Variants in CCDC196 observed in about 807,000 individuals in gnomAD.
The protein encoded by CCDC196 is coiled-coil domain containing 196, also known as coiled-coil domain-containing protein 196.
intron 3 of CCDC196, among the ~76,000 whole-genome samples, chr14:66,488,480 A>C (rs1000156180): frequency 7.2e-5 from 11 of 152,150 alleles, no homozygotes; most frequent in African/African-American, 2.7e-4. Flanking sequence ...ACTTTTAAAA[A>C]CTTTTTATCT....
chr14:66,496,354 CA>C (rs2057666366), intron 8 of CCDC196: 1 of 456,138 alleles, frequency 2.2e-6, no homozygotes, highest in Non-Finnish European at 4.4e-6. Context: ...TGGCAAAATA[CA>C]ATCCTGTGTT....
At chr14:66,496,688 A>C (rs1432856025) in intron 8 of CCDC196, 1 of 171,132 alleles carries the variant, frequency 5.8e-6, no homozygotes, top group African/African-American at 2.4e-5. Context: ...GCAATCTCTA[A>C]ATTCAACTGA....
At chr14:66,488,951 A>G in intron 3 of CCDC196, 36 bp from the exon 4 acceptor site, 1 of 413,204 alleles carries the variant, frequency 2.4e-6, no homozygotes, top group East Asian at 3.6e-5. Context: ...GGACAAATAC[A>G]TGCTTCTGTT....
At chr14:66,496,116 C>T (rs1594747667) in intron 8 of CCDC196, 2 of 356,386 alleles carry the variant, frequency 5.6e-6, no homozygotes, top group Admixed American at 3.6e-5. Context: ...TACAGGACAG[C>T]GTTTCTTTTT....
chr14:66,489,279 A>G (rs1826318983), intron 4 of CCDC196, among the ~76,000 whole-genome samples: 1 of 152,184 alleles, frequency 6.6e-6, no homozygotes, highest in Admixed American at 6.6e-5. Context: ...CCTATTCTCC[A>G]GTTTCCTCTC....
intron 8 of CCDC196, chr14:66,496,266 G>T (rs2139614230): frequency 2.2e-6 from 1 of 456,246 alleles, no homozygotes; most frequent in African/African-American, 2.0e-5. Flanking sequence ...GTTTACCTCA[G>T]TACTCTTAGC....
chr14:66,494,018 G>C (rs534923586), intron 8 of CCDC196: 1 of 152,294 alleles, frequency 6.6e-6, no homozygotes, highest in East Asian at 1.9e-4. Context: ...CATTCAACTT[G>C]ATTGTCTCAG....
intron 8 of CCDC196, among the ~76,000 whole-genome samples, chr14:66,495,395 C>T (rs1008660055): frequency 2.0e-5 from 3 of 152,082 alleles, no homozygotes; most frequent in Admixed American, 2.0e-4. Flanking sequence ...CCTTGTGCAA[C>T]CCTCACAGTG....
At chr14:66,490,707 C>G in intron 4 of CCDC196, 35 bp from the exon 5 acceptor site, 1 of 399,078 alleles carries the variant, frequency 2.5e-6, no homozygotes, top group East Asian at 3.6e-5. Flanking sequence ...TTAATTTCCA[C>G]TACTTTAAAG....
intron 4 of CCDC196, among the ~76,000 whole-genome samples, chr14:66,489,710 T>C (rs1170945652): frequency 6.6e-6 from 1 of 152,214 alleles, no homozygotes; most frequent in African/African-American, 2.4e-5. Flanking sequence ...GCTTGGAACA[T>C]AGTAGAGAAT....
chr14:66,487,468 T>C (rs185145975), intron 2 of CCDC196, among the ~76,000 whole-genome samples: 7 of 152,304 alleles, frequency 4.6e-5, no homozygotes, highest in Admixed American at 2.0e-4. Flanking sequence ...CACCAGCTGC[T>C]TACAACTCAG....
intron 8 of CCDC196, chr14:66,494,640 T>C (rs1239512876): frequency 2.0e-5 from 3 of 152,110 alleles, no homozygotes; most frequent in African/African-American, 7.2e-5. Context: ...AACTTAATAA[T>C]AAATACACAA....
intron 8 of CCDC196, chr14:66,496,471 C>A: frequency 2.3e-6 from 1 of 433,356 alleles, no homozygotes; most frequent in Non-Finnish European, 4.7e-6. Context: ...GGCATGCTGC[C>A]TCACTTAGTC....
chr14:66,491,074 A>G lies in CCDC196; in HGVS notation c.483A>G (p.Ser161=). Residue 161 remains serine (S), a synonymous_variant, in exon 6 of 10, where the codon TCA becomes TCG. Coordinates refer to ENST00000636229, the MANE Select transcript of CCDC196 (RefSeq NM_001351576.1). ...AGACTGAGAGTGAACTGGAGAAATC[A>G]TTTGCAGAGAAAGTGAAGGAGATAA... The part of the protein sequence containing the change: ...PRKTESELEK[S]FAEKVKEIRK... The G allele has an allele frequency of 2.4e-6, 1 of 413,474 alleles. No individual in the cohort carries two copies. Among genetic ancestry groups the G allele is most frequent in the Non-Finnish European group, 4.4e-6 (1 of 226,134 alleles). The allele number at this position is 413,474 out of a possible 1,614,324, so 25.6% of individuals were successfully genotyped here.
chr14:66,486,856 C>A (rs2057413164), intron 2 of CCDC196, 47 bp downstream of exon 2: 2 of 411,918 alleles, frequency 4.9e-6, no homozygotes, highest in Non-Finnish European at 8.9e-6. Flanking sequence ...GGCTGGAGAA[C>A]TTGATCTCCA....
Position 66,498,370 on chromosome 14 carries a change from G to C in CCDC196, c.792G>C (p.Lys264Asn), listed in dbSNP as rs1157810381. Reference protein sequence around the residue: ...NEHHVRILGTKIYTEQQGTKG... With the variant: ...NEHHVRILGTNIYTEQQGTKG... ...CTGTCTAGAGAATTCTGGGAACAAAGATCTACACAGAACAACAAGGAACTA... is the reference window on the plus strand; with the variant it reads ...CTGTCTAGAGAATTCTGGGAACAAACATCTACACAGAACAACAAGGAACTA... Residue 264 changes from lysine (K) to asparagine (N), a missense_variant, in exon 10 of 10, where the codon AAG becomes AAC. Physicochemically the swap from Lys to Asn is moderately conservative, Grantham distance 94. Transcript: ENST00000636229. 4 of 412,856 alleles carry C rather than the reference G, an allele frequency of 9.7e-6. No homozygotes were observed. The highest frequency in any genetic ancestry group is 8.8e-5 in the Admixed American group (2 of 22,686). The allele number at this position is 412,856 out of a possible 1,614,324, so 25.6% of individuals were successfully genotyped here. A position where few individuals can be genotyped will look rare whatever the true frequency, so the allele number is the denominator to read the frequency against.
At chr14:66,489,618 G>C (rs1050461291) in intron 4 of CCDC196, among the ~76,000 whole-genome samples, 2 of 151,868 alleles carry the variant, frequency 1.3e-5, no homozygotes, top group African/African-American at 4.8e-5. Context: ...ATTGTTTCTT[G>C]TTTCCCTGCC....
rs1010165603 is a variant in CCDC196 at position 66,498,185 on chromosome 14, T to C, written c.774+18T>C. On this transcript the variant is annotated intron_variant, in intron 9 of 9. Transcript: ENST00000636229. ...ACCATGTGGTGAGAACTACTTTCTT[T>C]AAACAAACAAAAAATCGTTTTAAGG... 1 of 412,834 alleles carries C rather than the reference T, an allele frequency of 2.4e-6. No homozygotes were observed. The highest frequency in any genetic ancestry group is 2.1e-5 in the African/African-American group (1 of 48,616). The allele number at this position is 412,834 out of a possible 1,614,324, so 25.6% of individuals were successfully genotyped here.
chr14:66,490,969 G>A (rs1189108224), intron 5 of CCDC196, 52 bp from the exon 6 acceptor site: 1 of 413,240 alleles, frequency 2.4e-6, no homozygotes, highest in Non-Finnish European at 4.4e-6. Flanking sequence ...CTGAGACATT[G>A]CACTTCTTTC....
Sources: gnomAD v4.1 joint callset for allele counts (sites outside exome capture counted in the v4.1 genomes callset) on GRCh38, gnomAD v4.1.1 for gene constraint, MANE v1.5 for transcripts, NCBI Gene and HGNC (gene_info 2026-07-23, HGNC 2026-07-21) for gene names.